Variants in KIAA2012 observed in about 807,000 individuals in gnomAD.
KIAA2012 encodes the protein KIAA2012, also known as uncharacterized protein KIAA2012.
In KIAA2012, 125 loss-of-function variants were observed where a neutral mutation model predicts 150.6. The observed-to-expected ratio is 0.83, with a 90% CI of 0.72 to 0.96. KIAA2012 has a LOEUF of 0.96. Among genes scored for constraint, KIAA2012 ranks in the 40% least tolerant of loss-of-function variants. The pLI is 0.00. For missense variants in KIAA2012, 1,219 were observed against 1,354.9 expected, an observed-to-expected ratio of 0.90 and a Z score of 1.57; for synonymous variants, 462 against 504.7, an observed-to-expected ratio of 0.92 and a Z score of 1.13.
chr2:202,075,275 T>A, intron 2 of KIAA2012, 100 bp downstream of exon 2: 3 of 1,321,214 alleles, frequency 2.3e-6, no homozygotes, highest in Non-Finnish European at 3.0e-6. Context: ...GGGGAAGGTA[T>A]GAAACTCTCA....
chr2:202,073,545 T>G lies in KIAA2012; in HGVS notation c.-83T>G. ...TGGTCTTCTTGGGCTTGCTGTGAGC[T>G]CTGGAAATCTTGAGGTGTGACCAGA... On this transcript the variant is annotated 5_prime_UTR_variant, in exon 1 of 24. Transcript: ENST00000498697. 1 of 1,217,400 alleles carries G rather than the reference T, an allele frequency of 8.2e-7. No homozygotes were observed. The highest frequency in any genetic ancestry group is 1.2e-6 in the Non-Finnish European group (1 of 855,928). The allele number at this position is 1,217,400 out of a possible 1,614,324, so 75.4% of individuals were successfully genotyped here.
intron 2 of KIAA2012, among the ~76,000 whole-genome samples, chr2:202,088,644 C>T (rs900164810): frequency 2.6e-5 from 4 of 152,170 alleles, no homozygotes; most frequent in Non-Finnish European, 4.4e-5. Context: ...CTCAGTGGAA[C>T]ACCCTTTCAC....
Position 202,190,278 on chromosome 2 carries a change from A to C in KIAA2012, c.2596A>C (p.Ser866Arg). Reference protein sequence around the residue: ...ERNLEIAAELSGPDVSYEETE... With the variant: ...ERNLEIAAELRGPDVSYEETE... ...AAATCTGGAGATAGCGGCAGAGCTG[A>C]GCGGGCCTGATGTCAGCTATGAGGA... Residue 866 changes from serine to arginine, a missense_variant, in exon 19 of 24, where the codon AGC becomes CGC. By Grantham distance (110) the Ser-to-Arg change is moderately radical. Coordinates refer to ENST00000498697, the MANE Select transcript of KIAA2012 (RefSeq NM_001277372.4). 6.4e-7 allele frequency: 1 copy of C among 1,550,608 alleles called. No homozygotes were observed. Among genetic ancestry groups the C allele is most frequent in the Non-Finnish European group, 8.7e-7 (1 of 1,146,998 alleles).
intron 16 of KIAA2012, among the ~76,000 whole-genome samples, chr2:202,186,692 C>T (rs1032553869): frequency 6.6e-6 from 1 of 152,196 alleles, no homozygotes; most frequent in African/African-American, 2.4e-5. Flanking sequence ...CCCCAAAGAG[C>T]AAACAATTTA....
intron 15 of KIAA2012, among the ~76,000 whole-genome samples, chr2:202,182,713 G>A (rs1177100696): frequency 2.6e-5 from 4 of 152,096 alleles, no homozygotes; most frequent in African/African-American, 9.7e-5. Context: ...GGTACGGCAG[G>A]TATATATTTA....
At position 202,147,620 on chromosome 2, in the gene KIAA2012, A is replaced by G. The variant is rs576282834; in HGVS notation, c.1909-7053A>G. On this transcript the variant is annotated intron_variant, in intron 13 of 23. Coordinates refer to ENST00000498697, the MANE Select transcript of KIAA2012 (RefSeq NM_001277372.4). Reference sequence around the variant, plus strand: ...CCGGCTGAATTTGGGTTAAACTTTTATGGGCGAGTCTGGGAATCAAAACAC... The same window carrying G: ...CCGGCTGAATTTGGGTTAAACTTTTGTGGGCGAGTCTGGGAATCAAAACAC... 1.4e-4 allele frequency among the ~76,000 whole-genome samples: 21 copies of G among 152,322 alleles called. No individual in the cohort carries two copies. In the South Asian group the frequency reaches 3.1e-3, roughly 23 times the overall value.
intron 13 of KIAA2012, among the ~76,000 whole-genome samples, chr2:202,141,914 G>A (rs1691204313): frequency 6.6e-6 from 1 of 152,006 alleles, no homozygotes; most frequent in South Asian, 2.1e-4. Flanking sequence ...TATTAATATA[G>A]CTAGACAGTG....
At chr2:202,100,228 A>T in intron 6 of KIAA2012, 79 bp from the exon 7 acceptor site, 2 of 1,415,300 alleles carry the variant, frequency 1.4e-6, no homozygotes, top group South Asian at 2.7e-5. Context: ...ATTAACTACG[A>T]CGTGATAAAA....
chr2:202,129,283 A>C lies in KIAA2012; in HGVS notation c.1831+4001A>C, dbSNP rs183255769. Among the ~76,000 whole-genome samples the C allele has an allele frequency of 2.4e-3, 358 of 150,592 alleles. 1 individual carries two copies. Among genetic ancestry groups the C allele is most frequent in the African/African-American group, 8.0e-3 (327 of 40,822 alleles). On this transcript the variant is annotated intron_variant, in intron 12 of 23. Coordinates refer to ENST00000498697, the MANE Select transcript of KIAA2012 (RefSeq NM_001277372.4). The stretch of plus-strand genomic sequence containing the variant: ...TGCCCAGGCTGGAGTGCAGTGGCAC[A>C]ATCTTGGCTCACTGCAACCTTCATC...
chr2:202,192,613 A>C (rs1024454979), intron 19 of KIAA2012, among the ~76,000 whole-genome samples: 3 of 152,058 alleles, frequency 2.0e-5, no homozygotes, highest in Non-Finnish European at 2.9e-5. Context: ...ACGTGCCACC[A>C]TACCTGGCTA....
intron 15 of KIAA2012, among the ~76,000 whole-genome samples, chr2:202,182,960 A>C (rs1692151574): frequency 6.6e-6 from 1 of 152,134 alleles, no homozygotes; most frequent in Admixed American, 6.5e-5. Context: ...ATAATCAAAA[A>C]ATTATTTAAA....
intron 4 of KIAA2012, among the ~76,000 whole-genome samples, chr2:202,095,866 T>C (rs1424034344): frequency 2.0e-5 from 3 of 152,102 alleles, no homozygotes; most frequent in Non-Finnish European, 2.9e-5. Context: ...GGTGGATCAC[T>C]TGAGGTCAGG....
At chr2:202,105,939 C>G (rs1016056886) in intron 9 of KIAA2012, 29 bp downstream of exon 9, 16 of 1,550,824 alleles carry the variant, frequency 1.0e-5, no homozygotes, top group Middle Eastern at 3.3e-4. Context: ...CAGCATCCCT[C>G]GGGAACCTCA....
At chr2:202,133,131 T>TATATATATA (rs1491511228) in intron 12 of KIAA2012, among the ~76,000 whole-genome samples, 1 of 83,652 alleles carries the variant, frequency 1.2e-5, no homozygotes, top group South Asian at 3.8e-4. Flanking sequence ...TATATATATA[T>TATATATATA]TTTTTTTTTT....
At chr2:202,146,883 C>T (rs1412329791) in intron 13 of KIAA2012, among the ~76,000 whole-genome samples, 1 of 152,164 alleles carries the variant, frequency 6.6e-6, no homozygotes, top group African/African-American at 2.4e-5. Flanking sequence ...CTCTGAGGCA[C>T]AGTTTCCTCA....
rs529508317 is a variant in KIAA2012 at position 202,169,957 on chromosome 2, G to T, written c.2119+4601G>T. Among the ~76,000 whole-genome samples the T allele has an allele frequency of 1.2e-4, 18 of 152,298 alleles. No individual in the cohort carries two copies. In the South Asian group the frequency reaches 3.7e-3, roughly 32 times the overall value. Reference sequence around the variant, plus strand: ...CTCTAGGGCCCCATCCCATTCTCATGCTCTGGCCGTCTATGAGTCGCTCAG... The same window carrying T: ...CTCTAGGGCCCCATCCCATTCTCATTCTCTGGCCGTCTATGAGTCGCTCAG... On this transcript the variant is annotated intron_variant, in intron 15 of 23. Coordinates refer to ENST00000498697, the MANE Select transcript of KIAA2012 (RefSeq NM_001277372.4).
chr2:202,160,950 C>G (rs972955066), intron 14 of KIAA2012, among the ~76,000 whole-genome samples: 3 of 152,210 alleles, frequency 2.0e-5, no homozygotes, highest in Admixed American at 2.0e-4. Context: ...CTCCTCCATC[C>G]TCCCAGCAGC....
At chr2:202,138,631 TA>T in intron 13 of KIAA2012, 123 bp downstream of exon 13, 1 of 634,934 alleles carries the variant, frequency 1.6e-6, no homozygotes, top group East Asian at 2.8e-5. Context: ...GCCTAATCAG[TA>T]AAATGAGACA....
intron 2 of KIAA2012, among the ~76,000 whole-genome samples, chr2:202,081,145 G>C (rs1392720487): frequency 1.3e-5 from 2 of 152,194 alleles, no homozygotes; most frequent in Admixed American, 6.5e-5. Flanking sequence ...TCACTCATTA[G>C]AAGAATGAAT....
Sources: gnomAD v4.1 joint callset for allele counts (sites outside exome capture counted in the v4.1 genomes callset) on GRCh38, gnomAD v4.1.1 for gene constraint, MANE v1.5 for transcripts, NCBI Gene and HGNC (gene_info 2026-07-23, HGNC 2026-07-21) for gene names.